The following STAG1 variants were observed in gnomAD, a reference collection of about 807,000 sequenced individuals.
The protein encoded by STAG1 is cohesin subunit SA-1.
In STAG1, 26 loss-of-function variants were observed where a neutral mutation model predicts 170.9. That is an observed-to-expected ratio of 0.15 (90% CI 0.11 to 0.21). The LOEUF (loss-of-function observed/expected upper bound fraction) is 0.21, where lower values mean the gene tolerates loss of function less well. Among genes scored for constraint, STAG1 ranks in the 10% least tolerant of loss-of-function variants. The pLI is 1.00. For missense variants in STAG1, 964 were observed against 1,509.5 expected (o/e 0.64, Z 5.99); for synonymous variants, 514 against 497.7 (o/e 1.03, Z -0.44).
At chr3:136,622,659 T>A (rs1466135928) in intron 3 of STAG1, among the ~76,000 whole-genome samples, 2 of 152,120 alleles carry the variant, frequency 1.3e-5, no homozygotes, top group African/African-American at 4.8e-5. Context: ...GATAACAGTA[T>A]CTTCTATAGG....
intron 28 of STAG1, among the ~76,000 whole-genome samples, chr3:136,356,596 G>C (rs141340410): frequency 8.7e-4 from 133 of 152,104 alleles, no homozygotes; most frequent in African/African-American, 2.8e-3. Context: ...TGCCAGGACT[G>C]GTCTTGAACT....
At chr3:136,714,950 TATA>T (rs1281278101) in intron 1 of STAG1, among the ~76,000 whole-genome samples, 2 of 74,558 alleles carry the variant, frequency 2.7e-5, no homozygotes, top group East Asian at 2.2e-4. Flanking sequence ...TATATATATA[TATA>T]TATATATATA....
rs577888470 is a variant in STAG1, at chr3:136,426,366, C to G, written c.1651-3322G>C. The stretch of plus-strand genomic sequence containing the variant: ...GGCGGAGCCTGCAGTGAGCCGAGAT[C>G]GCGCCACTGCACTCCAGCCTGGGCA... On this transcript the variant is annotated intron_variant, in intron 16 of 33. Coordinates refer to ENST00000383202, the MANE Select transcript of STAG1 (RefSeq NM_005862.3). Among the ~76,000 whole-genome samples the G allele has an allele frequency of 5.9e-5, 9 of 152,238 alleles. No homozygotes were observed. In the East Asian group the frequency reaches 1.2e-3, roughly 20 times the overall value.
chr3:136,678,349 G>C (rs1290653103), intron 1 of STAG1, among the ~76,000 whole-genome samples: 1 of 151,212 alleles, frequency 6.6e-6, no homozygotes, highest in Non-Finnish European at 1.5e-5. Context: ...AAATAAAATA[G>C]TACCCAATGA....
intron 4 of STAG1, among the ~76,000 whole-genome samples, chr3:136,578,049 C>G (rs574959248): frequency 1.3e-5 from 2 of 152,278 alleles, no homozygotes; most frequent in Admixed American, 6.5e-5. Flanking sequence ...CCCCATTCCT[C>G]AACTATGCTC....
At chr3:136,589,825 G>A (rs934666043) in intron 4 of STAG1, among the ~76,000 whole-genome samples, 1 of 151,578 alleles carries the variant, frequency 6.6e-6, no homozygotes. Flanking sequence ...CAGCTACTCG[G>A]GAGGCTGAGG....
intron 1 of STAG1, among the ~76,000 whole-genome samples, chr3:136,727,968 G>A (rs1933784379): frequency 6.6e-6 from 1 of 151,914 alleles, no homozygotes; most frequent in Admixed American, 6.6e-5. Flanking sequence ...GACCAGCCTG[G>A]CCAACCTGGT....
chr3:136,552,294 A>G (rs571382583), intron 5 of STAG1, among the ~76,000 whole-genome samples: 38 of 152,342 alleles, frequency 2.5e-4, no homozygotes, highest in African/African-American at 8.9e-4. Flanking sequence ...TTTTTTTGAA[A>G]AATTTCAGCA....
At chr3:136,369,729 T>C (rs1937221285) in intron 23 of STAG1, among the ~76,000 whole-genome samples, 1 of 152,218 alleles carries the variant, frequency 6.6e-6, no homozygotes, top group African/African-American at 2.4e-5. Context: ...TTCAACATAG[T>C]ATAATGAATA....
chr3:136,376,183 G>A (rs1203962798), intron 23 of STAG1, among the ~76,000 whole-genome samples: 2 of 149,592 alleles, frequency 1.3e-5, no homozygotes, highest in African/African-American at 4.9e-5. Flanking sequence ...AAAGATACTT[G>A]TCACTATTTA....
chr3:136,594,776 G>A (rs927687681), intron 4 of STAG1, among the ~76,000 whole-genome samples: 3 of 152,084 alleles, frequency 2.0e-5, no homozygotes, highest in African/African-American at 7.2e-5. Context: ...ACGACAGTCC[G>A]ACTTTTTTTT....
chr3:136,456,083 A>C (rs181963668), intron 13 of STAG1, among the ~76,000 whole-genome samples: 5 of 152,320 alleles, frequency 3.3e-5, no homozygotes, highest in East Asian at 3.9e-4. Flanking sequence ...AGCGGTAGCT[A>C]TCTCTTCAAA....
At chr3:136,639,375 A>T (rs767206169) in intron 1 of STAG1, among the ~76,000 whole-genome samples, 7 of 152,098 alleles carry the variant, frequency 4.6e-5, no homozygotes, top group Non-Finnish European at 7.4e-5. Context: ...GATTTTTAAA[A>T]ACTACAATTT....
intron 1 of STAG1, among the ~76,000 whole-genome samples, chr3:136,673,507 A>G (rs1942038202): frequency 1.3e-5 from 2 of 152,252 alleles, no homozygotes; most frequent in Non-Finnish European, 2.9e-5. Flanking sequence ...AAATTTAGTC[A>G]TGAGAAATGA....
rs552838588 is a variant in STAG1, at chr3:136,392,240, C to G, written c.2277+6509G>C. Among the ~76,000 whole-genome samples, 62 of 152,154 alleles carry G rather than the reference C, an allele frequency of 4.1e-4. No individual in the cohort carries two copies. The Middle Eastern group carries it at 0.01, about 25-fold the overall frequency. On this transcript the variant is annotated intron_variant, in intron 22 of 33. Transcript: ENST00000383202. ...AAGCTTTTTGCACCAGAATGCCCATCATCACAGCATTAATTTTATTAGTAA... is the reference window on the plus strand; with the variant it reads ...AAGCTTTTTGCACCAGAATGCCCATGATCACAGCATTAATTTTATTAGTAA...
chr3:136,665,593 C>T (rs1230902158), intron 1 of STAG1, among the ~76,000 whole-genome samples: 1 of 151,452 alleles, frequency 6.6e-6, no homozygotes, highest in African/African-American at 2.4e-5. Flanking sequence ...CCCTAGCTAA[C>T]ACAGTGAAAC....
intron 12 of STAG1, among the ~76,000 whole-genome samples, chr3:136,468,299 A>G (rs1288379875): frequency 6.6e-6 from 1 of 152,188 alleles, no homozygotes; most frequent in Non-Finnish European, 1.5e-5. Flanking sequence ...AATCAAATAG[A>G]CGCAATAAAA....
In STAG1 at chr3:136,421,167, TAAA is replaced by T. The variant is rs748993808; in HGVS notation, c.2038-7_2038-5del. 2 of 1,597,364 alleles carry T rather than the reference TAAA, an allele frequency of 1.3e-6. No homozygotes were observed. Among genetic ancestry groups the T allele is most frequent in the South Asian group, 2.3e-5 (2 of 88,846 alleles). On this transcript the variant is annotated splice_region_variant and splice_polypyrimidine_tract_variant and intron_variant, in intron 19 of 33. Transcript: ENST00000383202. ...CATCATCATCAGCTTCTTCTCCCTA[TAAA>T]AAAAGGAAACATCACATCATTACAA...
chr3:136,723,772 G>A (rs1423686887), intron 1 of STAG1, among the ~76,000 whole-genome samples: 8 of 140,846 alleles, frequency 5.7e-5, no homozygotes, highest in South Asian at 2.3e-4. Context: ...CGCCCCGTCC[G>A]GGAAGGAGGT....
Sources: allele counts gnomAD v4.1 joint callset (sites outside exome capture counted in the v4.1 genomes callset), GRCh38; gene constraint gnomAD v4.1.1; transcripts MANE v1.5; gene names NCBI Gene and HGNC (gene_info 2026-07-23, HGNC 2026-07-21).